Variants in CCDC171 observed in about 807,000 individuals in gnomAD.
CCDC171 encodes coiled-coil domain containing 171.
A neutral mutation model predicts 168.2 loss-of-function variants in CCDC171; 177 were observed. The ratio of observed to expected loss-of-function variants is 1.05; its 90% confidence interval spans 0.93 to 1.19. The LOEUF (loss-of-function observed/expected upper bound fraction) is 1.19. CCDC171 is among the 50% of genes most tolerant of loss of function. The probability of loss-of-function intolerance (pLI) is 0.00; values close to 1 mark genes in which losing one functional copy is unlikely to be tolerated. For missense variants in CCDC171, 1,991 were observed against 1,539.0 expected (o/e 1.29, Z -4.91); for synonymous variants, 687 against 540.8 (o/e 1.27, Z -3.75).
chr9:15,662,792 A>G (rs769807553), intron 8 of CCDC171, among the ~76,000 whole-genome samples: 5 of 152,052 alleles, frequency 3.3e-5, no homozygotes, highest in Non-Finnish European at 5.9e-5. Flanking sequence ...CCTGGCCAAC[A>G]TGGTGAAACC....
chr9:15,630,566 C>G (rs1206941236), intron 7 of CCDC171, among the ~76,000 whole-genome samples: 4 of 152,146 alleles, frequency 2.6e-5, no homozygotes, highest in Admixed American at 1.3e-4. Context: ...GACTCCCACA[C>G]AATAATAATG....
downstream of CCDC171, among the ~76,000 whole-genome samples, chr9:15,978,477 G>A (rs1430929546): frequency 6.6e-6 from 1 of 152,160 alleles, no homozygotes; most frequent in Non-Finnish European, 1.5e-5. Flanking sequence ...CGTCCCTCCT[G>A]GGCTTTTTGC....
chr9:15,855,290 T>C (rs1240421417), intron 23 of CCDC171, among the ~76,000 whole-genome samples: 1 of 151,854 alleles, frequency 6.6e-6, no homozygotes, highest in Non-Finnish European at 1.5e-5. Context: ...TTGACTCTTT[T>C]ATCATTATAT....
At position 15,560,815 on chromosome 9, in the gene CCDC171, A is replaced by G. The variant is rs1409743925; in HGVS notation, c.-111-3163A>G. Among the ~76,000 whole-genome samples, 3 of 150,388 alleles carry G rather than the reference A, an allele frequency of 2.0e-5. No homozygotes were observed. The Admixed American group carries it at 2.0e-4, about 10-fold the overall frequency. ...CTTTTGGAGGGGGAGAGGCGCTCTG[A>G]TTTTTAGAATTTTCAGCTTTTCTGC... On this transcript the variant is annotated intron_variant, in intron 1 of 25. Transcript: ENST00000380701.
rs59115129 is a variant in CCDC171, at chr9:15,615,776, GA to G, written c.676-7490del. ...TGTCAGTAAAATGGGAATCACGTGT[GA>G]TTTTTTTTTTTTTTTTCTTCAGACA... On this transcript the variant is annotated intron_variant, in intron 6 of 25. Coordinates refer to ENST00000380701, the MANE Select transcript of CCDC171 (RefSeq NM_173550.4). Among the ~76,000 whole-genome samples, 628 of 125,082 alleles carry G rather than the reference GA, an allele frequency of 5.0e-3. 9 individuals carry two copies. Among genetic ancestry groups the G allele is most frequent in the African/African-American group, 0.016 (569 of 35,276 alleles). 82.1% of individuals were successfully genotyped at this position (125,082 alleles called of 152,430 possible). A position where few individuals can be genotyped will look rare whatever the true frequency, so the allele number is the denominator to read the frequency against.
intron 21 of CCDC171, among the ~76,000 whole-genome samples, chr9:15,835,627 A>T (rs1190237605): frequency 6.6e-6 from 1 of 152,064 alleles, no homozygotes; most frequent in East Asian, 1.9e-4. Context: ...GGGTTTCACC[A>T]TGTTGGTCAG....
intron 1 of CCDC171, among the ~76,000 whole-genome samples, chr9:15,554,690 G>T (rs994108955): frequency 7.9e-5 from 12 of 152,154 alleles, no homozygotes; most frequent in African/African-American, 2.9e-4. Context: ...GGTTGATTAT[G>T]TACCTATGCT....
At chr9:15,949,684 A>G (rs957968931) in intron 25 of CCDC171, among the ~76,000 whole-genome samples, 1 of 152,202 alleles carries the variant, frequency 6.6e-6, no homozygotes, top group African/African-American at 2.4e-5. Context: ...GAAGTCGCTT[A>G]TCAGCTTAAG....
At chr9:15,577,749 A>C (rs2040784995) in intron 3 of CCDC171, among the ~76,000 whole-genome samples, 1 of 152,204 alleles carries the variant, frequency 6.6e-6, no homozygotes, top group South Asian at 2.1e-4. Flanking sequence ...AACTGCTTCT[A>C]TTCCCAAGGT....
Position 15,744,400 on chromosome 9 carries a change from C to T in CCDC171, c.2177C>T (p.Ser726Phe), listed in dbSNP as rs765430714. ...LLSQTQREQM[S>F]LLAACALMAG... ...TCACAGACTCAAAGGGAACAGATGT[C>T]CTTGCTGGCAGCCTGTGCATTAATG... The change falls in exon 17 of 26, where the codon TCC becomes TTC. Residue 726 changes from serine to phenylalanine, a missense_variant. Physicochemically the swap from Ser to Phe is radical, Grantham distance 155 (BLOSUM62 -2). Transcript: ENST00000380701. 6.2e-7 allele frequency: 1 copy of T among 1,614,166 alleles called. No homozygotes were observed. Among genetic ancestry groups the T allele is most frequent in the Non-Finnish European group, 8.5e-7 (1 of 1,180,006 alleles).
intron 7 of CCDC171, among the ~76,000 whole-genome samples, chr9:15,644,346 C>G (rs1188717307): frequency 6.6e-6 from 1 of 152,146 alleles, no homozygotes; most frequent in Non-Finnish European, 1.5e-5. Context: ...TTCTGTATTT[C>G]CAACTGAGGT....
At chr9:15,703,117 G>T (rs1257336204) in intron 11 of CCDC171, among the ~76,000 whole-genome samples, 1 of 152,148 alleles carries the variant, frequency 6.6e-6, no homozygotes. Flanking sequence ...TGTTAGCCAG[G>T]CTGGTCTCGA....
intron 24 of CCDC171, among the ~76,000 whole-genome samples, chr9:15,907,702 A>G (rs1822905468): frequency 6.6e-6 from 1 of 152,222 alleles, no homozygotes; most frequent in African/African-American, 2.4e-5. Flanking sequence ...AAAAGAAACT[A>G]CCATCAGAGT....
chr9:15,685,478 A>T (rs577107076), intron 10 of CCDC171, among the ~76,000 whole-genome samples: 62 of 151,996 alleles, frequency 4.1e-4, no homozygotes, highest in East Asian at 1.2e-3. Flanking sequence ...AAAAAAATTT[A>T]AAAAAAATGA....
intron 2 of CCDC171, among the ~76,000 whole-genome samples, chr9:15,570,899 C>A (rs890736041): frequency 6.6e-6 from 1 of 152,174 alleles, no homozygotes; most frequent in Non-Finnish European, 1.5e-5. Context: ...AGGGAATAAA[C>A]CCCTAGTGTT....
the CCDC171 span, among the ~76,000 whole-genome samples, chr9:16,092,725 C>T: frequency 6.6e-6 from 1 of 152,186 alleles, no homozygotes; most frequent in Non-Finnish European, 1.5e-5. Flanking sequence ...GGTCCTTTTG[C>T]AAGTTTACCC....
intron 3 of CCDC171, among the ~76,000 whole-genome samples, chr9:15,999,005 G>A (rs1025113649): frequency 6.6e-6 from 1 of 152,054 alleles, no homozygotes; most frequent in East Asian, 1.9e-4. Context: ...CAACATGAGT[G>A]CTAAATGTAA....
At chr9:15,587,880 A>G (rs1365068040) in intron 4 of CCDC171, among the ~76,000 whole-genome samples, 1 of 152,208 alleles carries the variant, frequency 6.6e-6, no homozygotes, top group East Asian at 1.9e-4. Flanking sequence ...CTCAGATCTG[A>G]AAGAATATAT....
In CCDC171 at chr9:15,666,290, A is replaced by G; in HGVS notation, c.1043A>G (p.His348Arg). 1 of 1,613,568 alleles carries G rather than the reference A, an allele frequency of 6.2e-7. No homozygotes were observed. The highest frequency in any genetic ancestry group is 8.5e-7 in the Non-Finnish European group (1 of 1,179,618). ...EVESAYEREK[H>R]NAQESFAKLN... ...GAAAGTGCATATGAGCGAGAAAAGC[A>G]TAATGCACAAGAGAGCTTTGCAAAA... Residue 348 changes from histidine (H) to arginine (R), a missense_variant, in exon 9 of 26, where the codon CAT becomes CGT. By Grantham distance (29) the His-to-Arg change is conservative. Coordinates refer to ENST00000380701, the MANE Select transcript of CCDC171 (RefSeq NM_173550.4).
Sources: gnomAD v4.1 joint callset for allele counts (sites outside exome capture counted in the v4.1 genomes callset) on GRCh38, gnomAD v4.1.1 for gene constraint, MANE v1.5 for transcripts, NCBI Gene and HGNC (gene_info 2026-07-23, HGNC 2026-07-21) for gene names.